Variants in PRMT3 observed in about 807,000 individuals in gnomAD.
PRMT3 encodes protein arginine N-methyltransferase 3.
A neutral mutation model predicts 71.9 loss-of-function variants in PRMT3; 62 were observed. That is an observed-to-expected ratio of 0.86 (90% CI 0.70 to 1.07). The LOEUF (loss-of-function observed/expected upper bound fraction) is 1.07, where lower values mean the gene tolerates loss of function less well. Among genes scored for constraint, PRMT3 ranks in the 50% least tolerant of loss-of-function variants. The pLI, the probability that PRMT3 is intolerant of heterozygous loss-of-function variation, is 0.00. For missense variants in PRMT3, 663 were observed against 643.0 expected, an observed-to-expected ratio of 1.03 and a Z score of -0.34; for synonymous variants, 213 against 220.4, an observed-to-expected ratio of 0.97 and a Z score of 0.30.
At chr11:20,408,674 G>A (rs554538833) in intron 9 of PRMT3, among the ~76,000 whole-genome samples, 3 of 152,230 alleles carry the variant, frequency 2.0e-5, no homozygotes, top group East Asian at 1.9e-4. Context: ...CTTTCCCTAC[G>A]TGCTTAACAA....
chr11:20,446,567 C>G (rs1850034621), intron 10 of PRMT3, among the ~76,000 whole-genome samples: 1 of 152,002 alleles, frequency 6.6e-6, no homozygotes, highest in African/African-American at 2.4e-5. Flanking sequence ...AAGCTCTATA[C>G]CTTTCCCTTT....
intron 13 of PRMT3, 137 bp from the exon 14 acceptor site, chr11:20,493,782 C>T (rs1851266296): frequency 4.9e-6 from 3 of 613,016 alleles, no homozygotes; most frequent in South Asian, 2.5e-5. Flanking sequence ...ACATCTTTTC[C>T]AGGAAAAATA....
At chr11:20,470,167 T>C (rs145790090) in intron 13 of PRMT3, among the ~76,000 whole-genome samples, 19 of 152,184 alleles carry the variant, frequency 1.2e-4, no homozygotes, top group African/African-American at 4.6e-4. Flanking sequence ...TTTACAACTA[T>C]AGGCAATGAC....
chr11:20,392,961 T>C lies in PRMT3; in HGVS notation c.362T>C (p.Leu121Ser), dbSNP rs1848749437. The change falls in exon 5 of 16, where the codon TTG (leucine) becomes TCG (serine). Residue 121 changes from leucine (L) to serine (S), a missense_variant. Leu to Ser is a moderately radical substitution (Grantham distance 145, BLOSUM62 -2). Coordinates refer to ENST00000331079, the MANE Select transcript of PRMT3 (RefSeq NM_005788.4). ...GTGCCTTGGGAGAAAGAAGAGTATTTGAAGCCAGTATTAGAAGATGACCTT... is the reference window on the plus strand; with the variant it reads ...GTGCCTTGGGAGAAAGAAGAGTATTCGAAGCCAGTATTAGAAGATGACCTT... ...NPVPWEKEEY[L>S]KPVLEDDLLL... The C allele has an allele frequency of 2.5e-6, 4 of 1,605,676 alleles. No individual in the cohort carries two copies. Among genetic ancestry groups the C allele is most frequent in the Non-Finnish European group, 2.6e-6 (3 of 1,172,504 alleles).
At chr11:20,433,242 T>C (rs569765179) in intron 10 of PRMT3, among the ~76,000 whole-genome samples, 1 of 152,294 alleles carries the variant, frequency 6.6e-6, no homozygotes, top group African/African-American at 2.4e-5. Flanking sequence ...GTGTCTGTTG[T>C]TCCCTTCTCG....
intron 10 of PRMT3, among the ~76,000 whole-genome samples, chr11:20,437,665 A>G (rs917001368): frequency 4.0e-5 from 6 of 151,684 alleles, no homozygotes; most frequent in Admixed American, 6.6e-5. Flanking sequence ...TCTCGGCTCA[A>G]TGCAAGCTCC....
At chr11:20,502,834 G>C (rs1851489809) in intron 15 of PRMT3, among the ~76,000 whole-genome samples, 1 of 151,896 alleles carries the variant, frequency 6.6e-6, no homozygotes, top group South Asian at 2.1e-4. Flanking sequence ...TACCTCATAT[G>C]CTTCAATGAG....
chr11:20,469,031 A>G (rs1029341598), intron 13 of PRMT3, among the ~76,000 whole-genome samples: 6 of 152,286 alleles, frequency 3.9e-5, no homozygotes, highest in South Asian at 2.1e-4. Flanking sequence ...TTGAAGGATA[A>G]TTTTTCAATG....
Position 20,504,461 on chromosome 11 carries a change from C to T in PRMT3, c.1487-3843C>T, listed in dbSNP as rs568258013. 7.2e-5 allele frequency among the ~76,000 whole-genome samples: 11 copies of T among 152,110 alleles called. No individual in the cohort carries two copies. The East Asian group carries it at 2.1e-3, about 29-fold the overall frequency. On this transcript the variant is annotated intron_variant, in intron 15 of 15. Transcript: ENST00000331079. The stretch of plus-strand genomic sequence containing the variant: ...GGCTATTCTAGGTCCTTTATATTGC[C>T]ATATAAATTTTAAAATCAGCTCATT...
intron 13 of PRMT3, among the ~76,000 whole-genome samples, chr11:20,470,486 T>G (rs759406371): frequency 6.6e-6 from 1 of 152,180 alleles, no homozygotes; most frequent in African/African-American, 2.4e-5. Flanking sequence ...ACATGTGGTG[T>G]TTGATTTTCT....
chr11:20,426,359 G>A (rs973869605), intron 9 of PRMT3, among the ~76,000 whole-genome samples: 2 of 152,100 alleles, frequency 1.3e-5, no homozygotes, highest in Non-Finnish European at 2.9e-5. Flanking sequence ...GAGAATCTGG[G>A]GGTTAAATTA....
At chr11:20,485,646 G>A (rs1949489544) in intron 13 of PRMT3, among the ~76,000 whole-genome samples, 1 of 152,054 alleles carries the variant, frequency 6.6e-6, no homozygotes, top group South Asian at 2.1e-4. Flanking sequence ...AAAGAAGCCT[G>A]GAGACATGCA....
At chr11:20,388,414 G>C (rs1345799240) in intron 2 of PRMT3, among the ~76,000 whole-genome samples, 1 of 152,226 alleles carries the variant, frequency 6.6e-6, no homozygotes, top group Non-Finnish European at 1.5e-5. Context: ...CTTGTCACTT[G>C]AGACGCTGAA....
chr11:20,480,157 G>A (rs1850896357), intron 13 of PRMT3, among the ~76,000 whole-genome samples: 1 of 152,086 alleles, frequency 6.6e-6, no homozygotes, highest in South Asian at 2.1e-4. Flanking sequence ...CAATTTGTGG[G>A]GTGACTTGAT....
intron 8 of PRMT3, chr11:20,405,427 TC>T (rs1404215784): frequency 6.6e-6 from 1 of 152,172 alleles, no homozygotes; most frequent in Non-Finnish European, 1.5e-5. Context: ...ATCTGCTTGA[TC>T]ACCTAATTCT....
chr11:20,390,501 T>TA (rs757487865), intron 3 of PRMT3, among the ~76,000 whole-genome samples: 33 of 152,176 alleles, frequency 2.2e-4, no homozygotes, highest in Non-Finnish European at 4.0e-4. Context: ...TGACATGAAC[T>TA]TCACAGCCTA....
chr11:20,414,431 G>A (rs904337074), intron 9 of PRMT3, among the ~76,000 whole-genome samples: 1 of 152,134 alleles, frequency 6.6e-6, no homozygotes, highest in African/African-American at 2.4e-5. Context: ...ACATATGGAA[G>A]AGAATCAGAA....
At chr11:20,473,342 TTC>T (rs1282203753) in intron 13 of PRMT3, among the ~76,000 whole-genome samples, 1 of 152,144 alleles carries the variant, frequency 6.6e-6, no homozygotes, top group Non-Finnish European at 1.5e-5. Context: ...TTTGAGATCT[TTC>T]TGTCTTTTTG....
chr11:20,466,780 GA>G (rs531709391), intron 13 of PRMT3, among the ~76,000 whole-genome samples: 2 of 151,866 alleles, frequency 1.3e-5, no homozygotes, highest in Non-Finnish European at 2.9e-5. Context: ...AACAAAACAA[GA>G]AAAAAATTGG....
Sources: gnomAD v4.1 joint callset for allele counts (sites outside exome capture counted in the v4.1 genomes callset) on GRCh38, gnomAD v4.1.1 for gene constraint, MANE v1.5 for transcripts, NCBI Gene and HGNC (gene_info 2026-07-23, HGNC 2026-07-21) for gene names.